SYTL5: variants seen among roughly 807,000 people sequenced by gnomAD.
SYTL5 encodes synaptotagmin like 5.
Under a neutral mutation model 55.9 loss-of-function variants are expected in SYTL5, and 34 were observed. The observed-to-expected ratio is 0.61, with a 90% confidence interval of 0.46 to 0.81. SYTL5 has a LOEUF of 0.81. SYTL5 is among the 30% of genes least tolerant of loss of function. The pLI, the probability that SYTL5 is intolerant of heterozygous loss-of-function variation, is 0.00. For missense variants in SYTL5, 637 were observed against 546.7 expected, an observed-to-expected ratio of 1.17 and a Z score of -1.65; for synonymous variants, 221 against 188.7, an observed-to-expected ratio of 1.17 and a Z score of -1.40.
intron 10 of SYTL5, among the ~76,000 whole-genome samples, chrX:38,105,086 C>G (rs1405534617): frequency 8.9e-6 from 1 of 112,501 alleles, no homozygotes; most frequent in Non-Finnish European, 1.9e-5. Context: ...GCAGGACAGT[C>G]AATCTGATAA....
chrX:37,982,037 A>G, the SYTL5 span, among the ~76,000 whole-genome samples: 1 of 112,386 alleles, frequency 8.9e-6, no homozygotes, highest in African/African-American at 3.2e-5. Context: ...ACAGGAAAGT[A>G]TAATCCATAT....
chrX:38,095,816 G>A (rs1414645704), intron 8 of SYTL5, among the ~76,000 whole-genome samples: 1 of 110,513 alleles, frequency 9.0e-6, no homozygotes, highest in Non-Finnish European at 1.9e-5. Context: ...GTTTTTTAAA[G>A]TCTAGGAGCA....
intron 2 of SYTL5, among the ~76,000 whole-genome samples, chrX:38,043,688 T>TATATATATATATATATAC (rs1210450618): frequency 4.0e-4 from 26 of 64,934 alleles, no homozygotes; most frequent in African/African-American, 2.0e-3. Context: ...TATATATATA[T>TATATATATATATATATAC]ATACATATAT....
the SYTL5 span, among the ~76,000 whole-genome samples, chrX:37,976,128 T>C: frequency 1.6e-4 from 18 of 112,596 alleles, no homozygotes; most frequent in Admixed American, 5.6e-4. Context: ...TGATCCAAGA[T>C]ACAATTTTTC....
the SYTL5 span, among the ~76,000 whole-genome samples, chrX:37,903,264 G>A: frequency 0.054 from 5,772 of 107,081 alleles, 220 homozygotes; most frequent in African/African-American, 0.12. Context: ...TGTTTATTGC[G>A]GCACTATTCA....
At chrX:37,974,906 A>T in the SYTL5 span, among the ~76,000 whole-genome samples, 1 of 112,093 alleles carries the variant, frequency 8.9e-6, no homozygotes, top group South Asian at 3.7e-4. Flanking sequence ...CATCCCTGGG[A>T]TAGGGGTGGG....
At chrX:37,904,317 A>G in the SYTL5 span, among the ~76,000 whole-genome samples, 1 of 106,321 alleles carries the variant, frequency 9.4e-6, no homozygotes, top group African/African-American at 3.5e-5. Flanking sequence ...AAGGCACTTC[A>G]TTAAAATTAA....
the SYTL5 span, among the ~76,000 whole-genome samples, chrX:37,973,278 C>T: frequency 9.0e-6 from 1 of 111,200 alleles, no homozygotes; most frequent in African/African-American, 3.3e-5. Context: ...TCCCTCGACC[C>T]CTTAGGTAGG....
chrX:38,049,374 A>G (rs5964290), intron 2 of SYTL5, among the ~76,000 whole-genome samples: 45,052 of 110,551 alleles, frequency 0.41, 8,871 homozygotes, highest in African/African-American at 0.76. Context: ...CATGACTTAA[A>G]ATGGGAACAT....
chrX:38,040,706 G>A (rs183658601), intron 2 of SYTL5, among the ~76,000 whole-genome samples: 24 of 111,694 alleles, frequency 2.1e-4, no homozygotes, highest in African/African-American at 5.2e-4. Context: ...TATGTACCAC[G>A]TTTTGTTTAT....
the SYTL5 span, among the ~76,000 whole-genome samples, chrX:37,997,325 G>A: frequency 2.7e-5 from 3 of 112,327 alleles, no homozygotes; most frequent in Non-Finnish European, 3.8e-5. Flanking sequence ...CTGCCCGAGC[G>A]GTGGTTGTGG....
chrX:37,999,541 AT>A, the SYTL5 span, among the ~76,000 whole-genome samples: 5 of 112,003 alleles, frequency 4.5e-5, no homozygotes. Flanking sequence ...GATGAAAATA[AT>A]TCATCAGCTC....
At chrX:38,085,438 G>A (rs1388375708) in intron 6 of SYTL5, among the ~76,000 whole-genome samples, 3 of 111,513 alleles carry the variant, frequency 2.7e-5, no homozygotes, top group African/African-American at 9.8e-5. Context: ...CAGCACTTGG[G>A]GATCACCAAA....
the SYTL5 span, among the ~76,000 whole-genome samples, chrX:37,999,592 T>C: frequency 9.0e-6 from 1 of 111,043 alleles, no homozygotes; most frequent in Admixed American, 9.6e-5. Context: ...AAGGGGAAAA[T>C]AGTGAAAGGA....
chrX:37,935,653 A>G, the SYTL5 span, among the ~76,000 whole-genome samples: 10,353 of 111,701 alleles, frequency 0.093, 687 homozygotes, highest in African/African-American at 0.23. Context: ...ATTATGTTGT[A>G]ATTAAATTGG....
At chrX:38,024,892 C>T (rs1934705212) in intron 1 of SYTL5, among the ~76,000 whole-genome samples, 1 of 111,512 alleles carries the variant, frequency 9.0e-6, no homozygotes, top group Non-Finnish European at 1.9e-5. Flanking sequence ...TATAATGTAC[C>T]ACACAGAATT....
intron 13 of SYTL5, among the ~76,000 whole-genome samples, chrX:38,115,017 T>C (rs1049794810): frequency 1.8e-5 from 2 of 112,522 alleles, no homozygotes; most frequent in African/African-American, 6.5e-5. Context: ...ATCCATGTTG[T>C]TGCAAATGCA....
the SYTL5 span, among the ~76,000 whole-genome samples, chrX:37,968,905 C>G: frequency 8.9e-6 from 1 of 111,939 alleles, no homozygotes; most frequent in Non-Finnish European, 1.9e-5. Flanking sequence ...AGTGAAGTTT[C>G]TTTAAAGAAG....
At chrX:37,898,065 A>C in the SYTL5 span, among the ~76,000 whole-genome samples, 1 of 111,546 alleles carries the variant, frequency 9.0e-6, no homozygotes, top group Non-Finnish European at 1.9e-5. Context: ...GCGCCACTGC[A>C]CTGCAGCCTG....
Sources: allele counts gnomAD v4.1 joint callset (sites outside exome capture counted in the v4.1 genomes callset), GRCh38; gene constraint gnomAD v4.1.1; transcripts MANE v1.5; gene names NCBI Gene and HGNC (gene_info 2026-07-23, HGNC 2026-07-21).